PCDH15: variants seen among roughly 807,000 people sequenced by gnomAD.
PCDH15 encodes protocadherin-15.
In PCDH15, 129 loss-of-function variants were observed where a neutral mutation model predicts 178.5. That is an observed-to-expected ratio of 0.72 (90% CI 0.63 to 0.84). PCDH15 has a LOEUF of 0.84. Ranked by LOEUF, PCDH15 falls within the 40% of genes least tolerant of loss-of-function variation. The probability of loss-of-function intolerance (pLI) is 0.00; values close to 1 mark genes in which losing one functional copy is unlikely to be tolerated. For missense variants in PCDH15, 2,230 were observed against 2,099.9 expected, an observed-to-expected ratio of 1.06 and a Z score of -1.21; for synonymous variants, 800 against 732.0, an observed-to-expected ratio of 1.09 and a Z score of -1.50.
chr10:55,600,287 C>T (rs1564475118), intron 2 of PCDH15, among the ~76,000 whole-genome samples: 1 of 151,770 alleles, frequency 6.6e-6, no homozygotes, highest in Non-Finnish European at 1.5e-5. Flanking sequence ...TGGCATGAAC[C>T]TGGGAAGCAG....
At chr10:55,336,140 A>C (rs1291475844) in intron 2 of PCDH15, among the ~76,000 whole-genome samples, 2 of 150,056 alleles carry the variant, frequency 1.3e-5, no homozygotes, top group East Asian at 3.9e-4. Flanking sequence ...AAAAAAAAAA[A>C]AAAAAAAAAA....
At chr10:54,913,495 T>A (rs11004630) in intron 2 of PCDH15, among the ~76,000 whole-genome samples, 1 of 152,102 alleles carries the variant, frequency 6.6e-6, no homozygotes, top group Non-Finnish European at 1.5e-5. Flanking sequence ...GGCAGAGCCC[T>A]CATGGAGAAC....
At chr10:54,609,053 ATT>A (rs1161981784) in intron 2 of PCDH15, among the ~76,000 whole-genome samples, 2 of 152,116 alleles carry the variant, frequency 1.3e-5, no homozygotes, top group African/African-American at 4.8e-5. Flanking sequence ...ACAATAAAAA[ATT>A]ATTCAATGTG....
chr10:55,441,197 T>G (rs1021788684), intron 2 of PCDH15, among the ~76,000 whole-genome samples: 1 of 152,212 alleles, frequency 6.6e-6, no homozygotes, highest in Non-Finnish European at 1.5e-5. Flanking sequence ...GCTCTGACTG[T>G]AAGATTAGTT....
At chr10:54,465,058 A>G (rs1211045062) in intron 3 of PCDH15, among the ~76,000 whole-genome samples, 3 of 152,096 alleles carry the variant, frequency 2.0e-5, no homozygotes, top group African/African-American at 7.2e-5. Flanking sequence ...TATTTCCCTT[A>G]TCCTTTTTAA....
intron 2 of PCDH15, among the ~76,000 whole-genome samples, chr10:55,096,215 C>T (rs772101134): frequency 9.9e-5 from 15 of 152,070 alleles, no homozygotes; most frequent in Non-Finnish European, 1.6e-4. Flanking sequence ...AGGAAACCAC[C>T]ATCCCATGGG....
At chr10:55,450,907 G>A (rs1427690615) in intron 2 of PCDH15, among the ~76,000 whole-genome samples, 1 of 146,856 alleles carries the variant, frequency 6.8e-6, no homozygotes, top group Non-Finnish European at 1.5e-5. Context: ...AATAAAACAT[G>A]TGAAAATTAT....
intron 13 of PCDH15, among the ~76,000 whole-genome samples, chr10:54,177,181 G>C (rs1377971092): frequency 6.6e-6 from 1 of 151,992 alleles, no homozygotes; most frequent in African/African-American, 2.4e-5. Context: ...AGTCTGACAA[G>C]GCTACATACT....
chr10:54,031,710 C>G (rs77558477), intron 18 of PCDH15, among the ~76,000 whole-genome samples: 2,471 of 152,164 alleles, frequency 0.016, 62 homozygotes, highest in African/African-American at 0.057. Flanking sequence ...TAGGAAGAAA[C>G]TTTGCACTAA....
chr10:54,023,690 GATA>G (rs10589623), intron 18 of PCDH15, among the ~76,000 whole-genome samples: 62,449 of 149,452 alleles, frequency 0.42, 14,186 homozygotes, highest in Middle Eastern at 0.62. Context: ...TTATTTATGT[GATA>G]ATGTTTATTA....
chr10:54,398,923 C>T (rs1182519184), intron 3 of PCDH15, among the ~76,000 whole-genome samples: 4 of 151,916 alleles, frequency 2.6e-5, no homozygotes, highest in Admixed American at 6.6e-5. Flanking sequence ...TGTAAATGGC[C>T]GACATCAAAC....
chr10:54,236,518 G>C (rs2054640374), intron 9 of PCDH15, among the ~76,000 whole-genome samples: 1 of 152,076 alleles, frequency 6.6e-6, no homozygotes, highest in South Asian at 2.1e-4. Context: ...GTTGGTGCTA[G>C]AGGAAGTTTT....
intron 1 of PCDH15, among the ~76,000 whole-genome samples, chr10:55,227,529 A>T (rs909749719): frequency 6.7e-5 from 10 of 149,244 alleles, no homozygotes; most frequent in Non-Finnish European, 1.2e-4. Flanking sequence ...GTAATAGAGC[A>T]GAAGGATGCA....
intron 2 of PCDH15, among the ~76,000 whole-genome samples, chr10:54,584,028 C>T (rs867611700): frequency 9.2e-5 from 14 of 152,130 alleles, no homozygotes; most frequent in South Asian, 4.2e-4. Context: ...ACACATGCTT[C>T]AGAATGGAAA....
At chr10:54,498,567 T>C (rs529838828) in intron 3 of PCDH15, among the ~76,000 whole-genome samples, 33 of 152,084 alleles carry the variant, frequency 2.2e-4, no homozygotes, top group Middle Eastern at 3.4e-3. Flanking sequence ...ATGAAACCCA[T>C]AGGCTCTAAG....
At chr10:55,270,929 A>G (rs1306552065) in intron 1 of PCDH15, among the ~76,000 whole-genome samples, 2 of 152,166 alleles carry the variant, frequency 1.3e-5, no homozygotes, top group Admixed American at 1.3e-4. Context: ...AATATGGTAC[A>G]CGTACACCAT....
Position 55,577,114 on chromosome 10 carries a change from C to T in PCDH15, c.-156+50511G>A, listed in dbSNP as rs371622441. Among the ~76,000 whole-genome samples, 303 of 151,870 alleles carry T rather than the reference C, an allele frequency of 2.0e-3. 1 individual carries two copies. Among genetic ancestry groups the T allele is most frequent in the Middle Eastern group, 3.4e-3 (1 of 294 alleles). On this transcript the variant is annotated intron_variant, in intron 2 of 5. Coordinates refer to the PCDH15 transcript ENST00000613346. Reference sequence around the variant, plus strand: ...AAAATTAGCTGGGCCTGGTGTTGCACGCCTGTAGTCCCAGCTACTCGGGAG... The same window carrying T: ...AAAATTAGCTGGGCCTGGTGTTGCATGCCTGTAGTCCCAGCTACTCGGGAG...
At chr10:54,367,574 C>A (rs1946991697) in intron 5 of PCDH15, among the ~76,000 whole-genome samples, 1 of 151,918 alleles carries the variant, frequency 6.6e-6, no homozygotes, top group Admixed American at 6.6e-5. Flanking sequence ...CCAAACACCA[C>A]ATGTCCTCAC....
intron 5 of PCDH15, among the ~76,000 whole-genome samples, chr10:54,355,329 G>A (rs1944815019): frequency 6.6e-6 from 1 of 151,770 alleles, no homozygotes; most frequent in South Asian, 2.1e-4. Context: ...ATATAATTTA[G>A]ATTATGTATC....
Sources: gnomAD v4.1 joint callset for allele counts (sites outside exome capture counted in the v4.1 genomes callset) on GRCh38, gnomAD v4.1.1 for gene constraint, MANE v1.5 for transcripts, NCBI Gene and HGNC (gene_info 2026-07-23, HGNC 2026-07-21) for gene names.